APC: variants seen among roughly 807,000 people sequenced by gnomAD.
APC encodes the protein APC regulator of Wnt signaling pathway, also known as adenomatous polyposis coli protein.
A neutral mutation model predicts 247.0 loss-of-function variants in APC; 72 were observed. The observed-to-expected ratio is 0.29, with a 90% CI of 0.24 to 0.35. The LOEUF (loss-of-function observed/expected upper bound fraction) is 0.35. APC is among the 10% of genes least tolerant of loss of function. APC has a pLI of 1.00. For synonymous variants in APC, 1,254 were observed against 1,162.5 expected, an observed-to-expected ratio of 1.08 and a Z score of -1.60; for missense variants, 3,400 against 3,360.7, an observed-to-expected ratio of 1.01 and a Z score of -0.29.
At chr5:112,825,954 T>A (rs1390711689) in intron 11 of APC, among the ~76,000 whole-genome samples, 1 of 152,248 alleles carries the variant, frequency 6.6e-6, no homozygotes, top group East Asian at 1.9e-4. Context: ...TTCCTAAATA[T>A]GATTTGGATT....
Position 112,719,237 on chromosome 5 carries a change from G to A in APC, c.165+11355G>A, listed in dbSNP as rs190986573. Among the ~76,000 whole-genome samples, 350 of 151,890 alleles carry A rather than the reference G, an allele frequency of 2.3e-3. 2 individuals carry two copies. The highest frequency in any genetic ancestry group is 8.0e-3 in the African/African-American group (332 of 41,400). ...TACTTCTTCTTTCTTTTCTTTCTTTGGACAGAGTCTTGCTCTGTTGCCCAG... is the reference window on the plus strand; with the variant it reads ...TACTTCTTCTTTCTTTTCTTTCTTTAGACAGAGTCTTGCTCTGTTGCCCAG... On this transcript the variant is annotated intron_variant, in intron 1 of 13. Transcript: ENST00000507379.
At position 112,844,770 on chromosome 5, in the gene APC, C is replaced by T; in HGVS notation, c.*644C>T. On this transcript the variant is annotated 3_prime_UTR_variant, in exon 16 of 16. Coordinates refer to ENST00000257430, the MANE Select transcript of APC (RefSeq NM_000038.6). ...ACACTATTTTGTGCTCCAAACAAAACAAAAATCTGTGTAACTGTAAAACAT... is the reference window on the plus strand; with the variant it reads ...ACACTATTTTGTGCTCCAAACAAAATAAAAATCTGTGTAACTGTAAAACAT... The T allele has an allele frequency of 4.3e-6, 1 of 231,838 alleles. No individual in the cohort carries two copies. Among genetic ancestry groups the T allele is most frequent in the African/African-American group, 2.2e-5 (1 of 45,366 alleles). The allele number at this position is 231,838 out of a possible 1,614,324, so 14.4% of individuals were successfully genotyped here.
intron 2 of APC, among the ~76,000 whole-genome samples, 182 bp from the exon 3 acceptor site, chr5:112,766,144 T>A (rs1477905478): frequency 6.6e-6 from 1 of 152,144 alleles, no homozygotes; most frequent in African/African-American, 2.4e-5. Flanking sequence ...TCTCAAAATA[T>A]CACTATTATT....
At chr5:112,718,203 G>C (rs564221790) in intron 1 of APC, among the ~76,000 whole-genome samples, 47 of 151,988 alleles carry the variant, frequency 3.1e-4, no homozygotes, top group Non-Finnish European at 4.6e-4. Flanking sequence ...GTTTGTGTCT[G>C]ATAATTCCAA....
intron 4 of APC, 127 bp downstream of exon 4, chr5:112,767,517 A>C (rs1461912108): frequency 1.4e-6 from 1 of 729,152 alleles, no homozygotes; most frequent in Non-Finnish European, 2.3e-6. Context: ...TGCATTTTTA[A>C]ACTCAAAGAT....
intron 2 of APC, among the ~76,000 whole-genome samples, chr5:112,756,088 A>G (rs1438825500): frequency 1.3e-5 from 2 of 151,716 alleles, no homozygotes; most frequent in Non-Finnish European, 2.9e-5. Context: ...CTAATTTCCT[A>G]TTCTATCCTA....
chr5:112,837,430 A>G (rs554607306), intron 15 of APC, 123 bp from the exon 16 acceptor site: 2 of 688,794 alleles, frequency 2.9e-6, no homozygotes, highest in South Asian at 1.8e-5. Context: ...GAGATGTGGA[A>G]TACTTGGAAT....
chr5:112,745,774 G>A (rs902621061), intron 1 of APC, among the ~76,000 whole-genome samples: 1 of 151,836 alleles, frequency 6.6e-6, no homozygotes, highest in African/African-American at 2.4e-5. Flanking sequence ...CACCATGTTG[G>A]CCAGGCTGGT....
At chr5:112,714,824 A>G (rs1031541382) in intron 1 of APC, among the ~76,000 whole-genome samples, 4 of 152,054 alleles carry the variant, frequency 2.6e-5, no homozygotes, top group African/African-American at 7.2e-5. Flanking sequence ...GCATTACTCT[A>G]CCTTGTCTTA....
chr5:112,787,743 G>A (rs1460782286), intron 6 of APC, among the ~76,000 whole-genome samples: 2 of 152,046 alleles, frequency 1.3e-5, no homozygotes, highest in African/African-American at 2.4e-5. Context: ...TCTGTTATCT[G>A]TATTAGCCTC....
intron 15 of APC, among the ~76,000 whole-genome samples, chr5:112,836,776 G>A (rs1165965611): frequency 6.6e-6 from 1 of 150,846 alleles, no homozygotes; most frequent in African/African-American, 2.4e-5. Context: ...GTGTGATCTC[G>A]GCTCACTGCA....
At chr5:112,773,344 C>G (rs1422069343) in intron 4 of APC, among the ~76,000 whole-genome samples, 1 of 152,062 alleles carries the variant, frequency 6.6e-6, no homozygotes, top group Non-Finnish European at 1.5e-5. Flanking sequence ...TGACCAAACT[C>G]CAGAATCTGT....
chr5:112,772,617 A>G (rs903178924), intron 4 of APC, among the ~76,000 whole-genome samples: 2 of 151,800 alleles, frequency 1.3e-5, no homozygotes, highest in South Asian at 2.1e-4. Context: ...CCCTGATTCA[A>G]GAGATTCTCA....
intron 1 of APC, among the ~76,000 whole-genome samples, chr5:112,716,598 G>A (rs79072031): frequency 0.061 from 9,205 of 151,780 alleles, 553 homozygotes; most frequent in African/African-American, 0.14. Context: ...CTTAAGTATC[G>A]TAGGTGATCT....
In APC at chr5:112,813,878, C is replaced by T. The variant is rs148643498; in HGVS notation, c.835-1617C>T. 3.4e-3 allele frequency among the ~76,000 whole-genome samples: 523 copies of T among 152,316 alleles called. 1 individual carries two copies. Among genetic ancestry groups the T allele is most frequent in the African/African-American group, 0.012 (499 of 41,568 alleles). ...CCCTCTAGAGTAGGAGGTGCCATCT[C>T]ACAGTCCTCAAAACCTATTACTCCC... On this transcript the variant is annotated intron_variant, in intron 8 of 15. Transcript: ENST00000257430.
At position 112,819,371 on chromosome 5, in the gene APC, G is replaced by A. The variant is rs74975092; in HGVS notation, c.1312+27G>A. The A allele has an allele frequency of 0.011, 17,436 of 1,613,844 alleles. 173 individuals carry two copies. The highest frequency in any genetic ancestry group is 0.012 in the Non-Finnish European group (13,839 of 1,179,814). On this transcript the variant is annotated intron_variant, in intron 10 of 15. Transcript: ENST00000257430. ...TATGTTCTCTATAGTGTACATCGTA[G>A]TGCATGTTTCAAAGCAAATGTGAAA...
chr5:112,793,889 A>G (rs71577429), intron 7 of APC, among the ~76,000 whole-genome samples: 1 of 152,176 alleles, frequency 6.6e-6, no homozygotes, highest in African/African-American at 2.4e-5. Flanking sequence ...TATTCTAACA[A>G]CCTTCTGGAG....
chr5:112,747,176 A>C (rs1753780317), intron 1 of APC, among the ~76,000 whole-genome samples: 1 of 152,118 alleles, frequency 6.6e-6, no homozygotes, highest in African/African-American at 2.4e-5. Flanking sequence ...ACAGCAACTC[A>C]AATAGCCAAA....
intron 1 of APC, among the ~76,000 whole-genome samples, chr5:112,709,571 T>G (rs1329200833): frequency 6.6e-6 from 1 of 152,166 alleles, no homozygotes; most frequent in African/African-American, 2.4e-5. Context: ...TTTGTAGCTC[T>G]GTATCAAAAA....
Sources: allele counts gnomAD v4.1 joint callset (sites outside exome capture counted in the v4.1 genomes callset), GRCh38; gene constraint gnomAD v4.1.1; transcripts MANE v1.5; gene names NCBI Gene and HGNC (gene_info 2026-07-23, HGNC 2026-07-21).